Variants in TYSND1 observed in about 807,000 individuals in gnomAD.
TYSND1 encodes trypsin like peroxisomal matrix peptidase 1.
A neutral mutation model predicts 37.2 loss-of-function variants in TYSND1; 30 were observed. The ratio of observed to expected loss-of-function variants is 0.81; its 90% CI spans 0.60 to 1.09. TYSND1 has a LOEUF of 1.09. Ranked by LOEUF, TYSND1 falls within the 50% of genes least tolerant of loss-of-function variation. TYSND1 has a pLI of 0.00. For missense variants in TYSND1, 806 were observed against 817.4 expected, an observed-to-expected ratio of 0.99 and a Z score of 0.17; for synonymous variants, 364 against 383.8, an observed-to-expected ratio of 0.95 and a Z score of 0.60.
Position 70,143,308 on chromosome 10 carries a change from C to T in TYSND1, c.1298-455G>A, listed in dbSNP as rs546932435. Among the ~76,000 whole-genome samples the T allele has an allele frequency of 4.6e-5, 7 of 152,318 alleles. No individual in the cohort carries two copies. The East Asian group carries it at 5.8e-4, about 13-fold the overall frequency. ...ATGGGGGTAAGTGCTTTACAGGCAA[C>T]GTCACACCCAGCCCTCACAACACCC... On this transcript the variant is annotated intron_variant, in intron 2 of 3. Coordinates refer to ENST00000287078, the MANE Select transcript of TYSND1 (RefSeq NM_173555.4).
Position 70,145,782 on chromosome 10 carries a change from C to A in TYSND1, c.805G>T (p.Ala269Ser). The A allele has an allele frequency of 6.8e-7, 1 of 1,468,202 alleles. No homozygotes were observed. 90.9% of individuals were successfully genotyped at this position (1,468,202 alleles called of 1,614,324 possible). ...PGTEGGGVFT[A>S]RPAGALVALV... ...GCCACCAGCGCCCCCGCGGGCCGCG[C>A]GGTGAACACGCCGCCGCCCTCGGTG... The change falls in exon 1 of 4, where the codon GCG becomes TCG. Residue 269 changes from alanine (A) to serine (S), a missense_variant. Physicochemically the swap from Ala to Ser is moderately conservative, Grantham distance 99. This residue lies in a region of TYSND1 where 708 missense variants were observed against 705.4 expected (regional missense o/e 1.00). Transcript: ENST00000287078.
chr10:70,142,107 T>C (rs1051123550), intron 3 of TYSND1, among the ~76,000 whole-genome samples: 1 of 150,022 alleles, frequency 6.7e-6, no homozygotes, highest in Non-Finnish European at 1.5e-5. Flanking sequence ...GATGAACTCA[T>C]GTTTTTTTCT....
chr10:70,145,777 C>T lies in TYSND1; in HGVS notation c.810G>A (p.Arg270=). 6.9e-7 allele frequency: 1 copy of T among 1,459,394 alleles called. No individual in the cohort carries two copies. Among genetic ancestry groups the T allele is most frequent in the Non-Finnish European group, 9.0e-7 (1 of 1,114,752 alleles). The allele number at this position is 1,459,394 out of a possible 1,614,324, so 90.4% of individuals were successfully genotyped here. The change falls in exon 1 of 4, where the codon CGG becomes CGA. Residue 270 remains arginine, a synonymous_variant. Coordinates refer to ENST00000287078, the MANE Select transcript of TYSND1 (RefSeq NM_173555.4). ...CCAGCGCCACCAGCGCCCCCGCGGG[C>T]CGCGCGGTGAACACGCCGCCGCCCT... The part of the protein sequence containing the change: ...GTEGGGVFTA[R]PAGALVALVV...
chr10:70,143,051 A>C (rs1305889947), intron 2 of TYSND1, among the ~76,000 whole-genome samples, 198 bp from the exon 3 acceptor site: 1 of 152,206 alleles, frequency 6.6e-6, no homozygotes, highest in Non-Finnish European at 1.5e-5. Flanking sequence ...CTGAGCTCCT[A>C]GCACTGTATC....
chr10:70,138,045 C>T lies in TYSND1; in HGVS notation c.*1879G>A, dbSNP rs1465553778. ...TACAGATGAAGAGATGCACATAGAG[C>T]AAGGAATGAGGGAAGGGGAAGGAGT... On this transcript the variant is annotated 3_prime_UTR_variant, in exon 4 of 4. Transcript: ENST00000287078. 6.6e-6 allele frequency: 1 copy of T among 152,192 alleles called. No individual in the cohort carries two copies. Among genetic ancestry groups the T allele is most frequent in the African/African-American group, 2.4e-5 (1 of 41,426 alleles). 9.4% of individuals were successfully genotyped at this position (152,192 alleles called of 1,614,324 possible).
chr10:70,140,236 G>A, intron 3 of TYSND1, 95 bp from the exon 4 acceptor site: 9 of 1,060,084 alleles, frequency 8.5e-6, no homozygotes, highest in Non-Finnish European at 1.2e-5. Context: ...AGCCCCCAGG[G>A]CCTGGTAGGG....
At chr10:70,140,445 G>A (rs1011540906) in intron 3 of TYSND1, among the ~76,000 whole-genome samples, 3 of 152,158 alleles carry the variant, frequency 2.0e-5, no homozygotes, top group African/African-American at 4.8e-5. Context: ...TTTTGTTCAT[G>A]CAGTCTCCCC....
In TYSND1 at chr10:70,145,470, C is replaced by G; in HGVS notation, c.1117G>C (p.Val373Leu). The change falls in exon 1 of 4, where the codon GTG becomes CTG. Residue 373 changes from valine to leucine, a missense_variant. By Grantham distance (32) the Val-to-Leu change is conservative. Transcript: ENST00000287078. ...APRLVVTCRH[V>L]SPREAARVLV... ...ACCCTGGCTGCTTCCCGAGGGGACA[C>G]GTGCCGACAGGTCACTACAAGGCGG... 6.7e-7 allele frequency: 1 copy of G among 1,496,020 alleles called. No homozygotes were observed. The highest frequency in any genetic ancestry group is 1.3e-5 in the South Asian group (1 of 76,670). The allele number at this position is 1,496,020 out of a possible 1,614,324, so 92.7% of individuals were successfully genotyped here. A position where few individuals can be genotyped will look rare whatever the true frequency, so the allele number is the denominator to read the frequency against.
In TYSND1 at chr10:70,146,348, T is replaced by C; in HGVS notation, c.239A>G (p.Asp80Gly). Residue 80 changes from aspartate to glycine, a missense_variant, in exon 1 of 4, where the codon GAC becomes GGC. This residue lies in a region of TYSND1 where 708 missense variants were observed against 705.4 expected (regional missense o/e 1.00). Coordinates refer to ENST00000287078, the MANE Select transcript of TYSND1 (RefSeq NM_173555.4). ...GGCCCACTGCACGTGCAGGCGCAGGTCGTCCCTGCAACTGTCGCCAGGCAG... is the reference window on the plus strand; with the variant it reads ...GGCCCACTGCACGTGCAGGCGCAGGCCGTCCCTGCAACTGTCGCCAGGCAG... Reference protein sequence around the residue: ...VFLPGDSCRDDLRLHVQWAPT... With the variant: ...VFLPGDSCRDGLRLHVQWAPT... The C allele has an allele frequency of 6.5e-7, 1 of 1,542,300 alleles. No homozygotes were observed. The highest frequency in any genetic ancestry group is 2.4e-5 in the East Asian group (1 of 41,518).
intron 1 of TYSND1, chr10:70,144,379 AAACAC>A (rs1209040896): frequency 2.3e-6 from 2 of 881,284 alleles, no homozygotes; most frequent in African/African-American, 3.6e-5. Flanking sequence ...GAGCCAAGGC[AAACAC>A]AACACTTTCC....
At chr10:70,142,170 A>T (rs1291095000) in intron 3 of TYSND1, among the ~76,000 whole-genome samples, 1 of 152,226 alleles carries the variant, frequency 6.6e-6, no homozygotes, top group Non-Finnish European at 1.5e-5. Context: ...ACCAAAATTT[A>T]AAAATTGATC....
intron 3 of TYSND1, among the ~76,000 whole-genome samples, chr10:70,141,529 T>C (rs1480197449): frequency 6.6e-6 from 1 of 152,162 alleles, no homozygotes; most frequent in African/African-American, 2.4e-5. Flanking sequence ...TCATTACTTT[T>C]AATTGTTTTG....
rs1839177669 is a variant in TYSND1 at position 70,145,568 on chromosome 10, C to G, written c.1019G>C (p.Gly340Ala). 6.7e-7 allele frequency: 1 copy of G among 1,485,236 alleles called. No individual in the cohort carries two copies. Among genetic ancestry groups the G allele is most frequent in the Middle Eastern group, 2.0e-4 (1 of 5,004 alleles). The allele number at this position is 1,485,236 out of a possible 1,614,324, so 92.0% of individuals were successfully genotyped here. Residue 340 changes from glycine to alanine, a missense_variant, in exon 1 of 4, where the codon GGG becomes GCG. Physicochemically the swap from Gly to Ala is moderately conservative, Grantham distance 60. This residue lies in a region of TYSND1 where 708 missense variants were observed against 705.4 expected (regional missense o/e 1.00). Coordinates refer to ENST00000287078, the MANE Select transcript of TYSND1 (RefSeq NM_173555.4). The stretch of plus-strand genomic sequence containing the variant: ...CACTGCCGCGGCTGCCCACAGGGGC[C>G]CGGAGTCTCGGAGGGGCAGACCCCA... ...VPWGLPLRDS[G>A]PLWAAAAVLV...
In TYSND1 at chr10:70,145,793, C is replaced by G. The variant is rs1275680087; in HGVS notation, c.794G>C (p.Gly265Ala). ...CCCCGCGGGCCGCGCGGTGAACACG[C>G]CGCCGCCCTCGGTGCCGGGCAGGCA... ...ARCLPGTEGG[G>A]VFTARPAGAL... The change falls in exon 1 of 4, where the codon GGC becomes GCC. Residue 265 changes from glycine (G) to alanine (A), a missense_variant. This residue lies in a region of TYSND1 where 708 missense variants were observed against 705.4 expected (regional missense o/e 1.00). Coordinates refer to ENST00000287078, the MANE Select transcript of TYSND1 (RefSeq NM_173555.4). 3 of 1,491,620 alleles carry G rather than the reference C, an allele frequency of 2.0e-6. No individual in the cohort carries two copies. The highest frequency in any genetic ancestry group is 4.5e-5 in the Admixed American group (2 of 44,148). The allele number at this position is 1,491,620 out of a possible 1,614,324, so 92.4% of individuals were successfully genotyped here.
At position 70,139,766 on chromosome 10, in the gene TYSND1, C is replaced by A. The variant is rs758725668; in HGVS notation, c.*158G>T. On this transcript the variant is annotated 3_prime_UTR_variant, in exon 4 of 4. Transcript: ENST00000287078. The stretch of plus-strand genomic sequence containing the variant: ...CATGGGGCTGAAGAGAAGTTTGCCC[C>A]AGAGCCCAAAGCCCAGTCTGCAGTC... 1.7e-4 allele frequency: 122 copies of A among 707,178 alleles called. No individual in the cohort carries two copies. The highest frequency in any genetic ancestry group is 2.7e-4 in the Non-Finnish European group (116 of 436,844). 43.8% of individuals were successfully genotyped at this position (707,178 alleles called of 1,614,324 possible).
At chr10:70,144,818 T>TTGGGGATTCAGC in intron 1 of TYSND1, 9 of 984,674 alleles carry the variant, frequency 9.1e-6, no homozygotes, top group Non-Finnish European at 9.6e-6. Context: ...CTGGCTAAGC[T>TTGGGGATTCAGC]TGGGGATTCA....
chr10:70,139,938 G>C lies in TYSND1; in HGVS notation c.1687C>G (p.Arg563Gly). 1 of 1,612,896 alleles carries C rather than the reference G, an allele frequency of 6.2e-7. No homozygotes were observed. Among genetic ancestry groups the C allele is most frequent in the Non-Finnish European group, 8.5e-7 (1 of 1,179,644 alleles). ...RLQRPLAEAPRSKL is the reference protein window; with the variant it reads ...RLQRPLAEAPGSKL ...GTAACACAGCCTCAGAGCTTGCTCC[G>C]CGGGGCCTCTGCCAGGGGCCGCTGC... is the stretch of plus-strand genomic sequence containing the variant. The change falls in exon 4 of 4, where the codon CGG (arginine) becomes GGG (glycine). Residue 563 changes from arginine to glycine, a missense_variant. Arg to Gly is a moderately radical substitution (Grantham distance 125). Transcript: ENST00000287078.
rs141900986 is a variant in TYSND1, at chr10:70,143,285, G to C, written c.1298-432C>G. ...CCTTCCTTTTCCAAGTGCAGGGTAT[G>C]GGGGTAAGTGCTTTACAGGCAACGT... On this transcript the variant is annotated intron_variant, in intron 2 of 3. Transcript: ENST00000287078. Among the ~76,000 whole-genome samples the C allele has an allele frequency of 4.6e-5, 7 of 152,342 alleles. No individual in the cohort carries two copies. The South Asian group carries it at 1.2e-3, about 27-fold the overall frequency.
At chr10:70,143,350 A>G (rs2072817276) in intron 2 of TYSND1, among the ~76,000 whole-genome samples, 1 of 152,244 alleles carries the variant, frequency 6.6e-6, no homozygotes, top group African/African-American at 2.4e-5. Flanking sequence ...AGGATGCATT[A>G]GCCCCATTTC....
Sources: allele counts gnomAD v4.1 joint callset (sites outside exome capture counted in the v4.1 genomes callset), GRCh38; gene constraint gnomAD v4.1.1; regional missense constraint gnomAD v4.1.1; transcripts MANE v1.5; gene names NCBI Gene and HGNC (gene_info 2026-07-23, HGNC 2026-07-21).